The following ACYP2 variants were observed in gnomAD, a reference collection of about 807,000 sequenced individuals.
ACYP2 encodes acylphosphatase 2.
In ACYP2, 12 loss-of-function variants were observed where a neutral mutation model predicts 11.2. The ratio of observed to expected loss-of-function variants is 1.08; its 90% CI spans 0.69 to 1.74. The LOEUF (loss-of-function observed/expected upper bound fraction) is 1.74, where lower values mean the gene tolerates loss of function less well. Ranked by LOEUF, ACYP2 falls within the 40% of genes most tolerant of loss-of-function variation. ACYP2 has a pLI of 0.00. For synonymous variants in ACYP2, 43 were observed against 32.2 expected (o/e 1.33, Z -1.13); for missense variants, 134 against 101.9 (o/e 1.31, Z -1.35).
intron 6 of ACYP2, chr2:54,254,347 C>T (rs1025167231): frequency 6.5e-6 from 1 of 152,728 alleles, no homozygotes; most frequent in Admixed American, 6.5e-5. Flanking sequence ...TATGTTCACT[C>T]AGCAGGGAGC....
At chr2:54,160,932 T>C (rs1682682952) in intron 6 of ACYP2, among the ~76,000 whole-genome samples, 1 of 152,168 alleles carries the variant, frequency 6.6e-6, no homozygotes, top group Non-Finnish European at 1.5e-5. Flanking sequence ...TAAGAATAAT[T>C]TGGAAGATTG....
intron 2 of ACYP2, chr2:54,029,806 GC>G: frequency 1.8e-6 from 1 of 554,840 alleles, no homozygotes; most frequent in Non-Finnish European, 3.4e-6. Flanking sequence ...CACTTGGGGG[GC>G]ATTCCTATTT....
At chr2:54,277,017 A>G (rs1333234207) in intron 6 of ACYP2, among the ~76,000 whole-genome samples, 1 of 152,230 alleles carries the variant, frequency 6.6e-6, no homozygotes, top group Non-Finnish European at 1.5e-5. Flanking sequence ...GAAATAACAT[A>G]TAAAAAATCC....
chr2:54,126,941 C>T (rs1034428379), intron 4 of ACYP2, among the ~76,000 whole-genome samples: 12 of 131,268 alleles, frequency 9.1e-5, no homozygotes, highest in South Asian at 2.4e-4. Context: ...GTGACAAGAG[C>T]GAAACTCCGT....
chr2:53,980,963 C>T (rs926767252), intron 2 of ACYP2, among the ~76,000 whole-genome samples: 5 of 151,992 alleles, frequency 3.3e-5, no homozygotes, highest in African/African-American at 1.2e-4. Context: ...TGTTGCCCAA[C>T]GTGGTCTCGA....
chr2:54,285,588 C>A (rs1309757919), intron 6 of ACYP2, among the ~76,000 whole-genome samples: 1 of 152,216 alleles, frequency 6.6e-6, no homozygotes, highest in African/African-American at 2.4e-5. Flanking sequence ...AGACTGCTAG[C>A]TGTCCTCCAG....
intron 4 of ACYP2, among the ~76,000 whole-genome samples, chr2:54,070,314 A>G (rs983876321): frequency 2.0e-5 from 3 of 152,110 alleles, no homozygotes. Flanking sequence ...TACATGTGGA[A>G]TCTGCTCTGC....
At chr2:54,240,222 T>C (rs1268711096) in intron 6 of ACYP2, among the ~76,000 whole-genome samples, 1 of 152,166 alleles carries the variant, frequency 6.6e-6, no homozygotes, top group East Asian at 1.9e-4. Flanking sequence ...GATCTTAGTG[T>C]TGCACTTTTT....
intron 3 of ACYP2, chr2:54,051,750 A>G: frequency 1.8e-6 from 1 of 545,764 alleles, no homozygotes. Flanking sequence ...AAAGCAAGAA[A>G]AAGAAGGAAG....
At chr2:54,124,853 C>G (rs999337399) in intron 4 of ACYP2, among the ~76,000 whole-genome samples, 1 of 152,140 alleles carries the variant, frequency 6.6e-6, no homozygotes, top group Admixed American at 6.6e-5. Flanking sequence ...GAGGCAAGTG[C>G]TATCATGTGC....
chr2:54,133,587 A>G (rs548521666), intron 4 of ACYP2, among the ~76,000 whole-genome samples: 58 of 152,270 alleles, frequency 3.8e-4, no homozygotes, highest in African/African-American at 1.3e-3. Flanking sequence ...ATTTTAACCA[A>G]CTCTCAAGTA....
At chr2:54,039,815 T>C (rs1395849947) in intron 2 of ACYP2, among the ~76,000 whole-genome samples, 1 of 124,228 alleles carries the variant, frequency 8.0e-6, no homozygotes, top group Non-Finnish European at 1.7e-5. Flanking sequence ...ATATTTGTTT[T>C]CTTTTGTGTG....
intron 2 of ACYP2, among the ~76,000 whole-genome samples, chr2:54,000,406 A>G (rs1022809706): frequency 6.6e-5 from 10 of 152,210 alleles, no homozygotes; most frequent in African/African-American, 2.2e-4. Context: ...TCTGGAATCC[A>G]TGATCTGTAA....
intron 6 of ACYP2, among the ~76,000 whole-genome samples, chr2:54,246,661 T>C (rs914360464): frequency 2.0e-5 from 3 of 152,182 alleles, no homozygotes; most frequent in Non-Finnish European, 4.4e-5. Flanking sequence ...AGTTTTATTA[T>C]GTTCTCTAAA....
chr2:54,248,620 G>C (rs1687069659), intron 6 of ACYP2, among the ~76,000 whole-genome samples: 1 of 152,020 alleles, frequency 6.6e-6, no homozygotes. Flanking sequence ...ACTTAAGTTT[G>C]GCATTTGTCA....
intron 6 of ACYP2, among the ~76,000 whole-genome samples, chr2:54,288,130 C>T (rs1349244673): frequency 4.6e-5 from 7 of 151,974 alleles, no homozygotes; most frequent in Admixed American, 3.9e-4. Context: ...GACCTGTTGC[C>T]TTCCAAAATG....
intron 6 of ACYP2, among the ~76,000 whole-genome samples, chr2:54,175,525 A>G (rs1189534829): frequency 2.0e-5 from 3 of 151,380 alleles, no homozygotes; most frequent in East Asian, 1.9e-4. Context: ...TTGTATCTCT[A>G]TCTCCTTCAG....
At chr2:54,139,649 A>G (rs567708984) in intron 6 of ACYP2, among the ~76,000 whole-genome samples, 1 of 152,322 alleles carries the variant, frequency 6.6e-6, no homozygotes, top group East Asian at 1.9e-4. Context: ...ACTAAGTAAC[A>G]CTCAATTTAT....
At chr2:54,233,305 CT>C (rs1213428258) in intron 6 of ACYP2, among the ~76,000 whole-genome samples, 300 of 129,196 alleles carry the variant, frequency 2.3e-3, no homozygotes, top group Admixed American at 2.2e-3. Context: ...CCCTTCCAAA[CT>C]TTTTTTTTTT....
Sources: allele counts gnomAD v4.1 joint callset (sites outside exome capture counted in the v4.1 genomes callset), GRCh38; gene constraint gnomAD v4.1.1; transcripts MANE v1.5; gene names NCBI Gene and HGNC (gene_info 2026-07-23, HGNC 2026-07-21).